The following NAV1 variants were observed in gnomAD, a reference collection of about 807,000 sequenced individuals.
NAV1 encodes pore membrane and/or filament interacting like protein 3.
A neutral mutation model predicts 175.2 loss-of-function variants in NAV1; 18 were observed. The ratio of observed to expected loss-of-function variants is 0.10; its 90% CI spans 0.07 to 0.15. NAV1 has a LOEUF of 0.15. NAV1 is among the 10% of genes least tolerant of loss of function. The pLI is 1.00. For synonymous variants in NAV1, 897 were observed against 978.7 expected (o/e 0.92, Z 1.56); for missense variants, 1,731 against 2,436.6 (o/e 0.71, Z 6.10).
chr1:201,639,594 G>C (rs947140235), intron 2 of NAV1, among the ~76,000 whole-genome samples: 3 of 152,166 alleles, frequency 2.0e-5, no homozygotes, highest in African/African-American at 7.2e-5. Flanking sequence ...GACCTCCCTA[G>C]CCCCCTGACT....
intron 1 of NAV1, among the ~76,000 whole-genome samples, chr1:201,542,940 G>A (rs963885279): frequency 4.6e-5 from 7 of 152,196 alleles, no homozygotes; most frequent in Non-Finnish European, 8.8e-5. Context: ...TATTACTGGT[G>A]TGTAGAAACA....
Position 201,782,774 on chromosome 1 carries a change from C to A in NAV1, c.2262C>A (p.Ser754=). ...TGGCCTTGGACTCAGACAACATCTCCTTGAAGAGTATTGGCTCCCCAGAAA... is the reference window on the plus strand; with the variant it reads ...TGGCCTTGGACTCAGACAACATCTCATTGAAGAGTATTGGCTCCCCAGAAA... The change falls in exon 6 of 30, where the codon TCC becomes TCA. Residue 754 remains serine, a synonymous_variant. Transcript: ENST00000367296. The surrounding 1 kb of genome is among the most constrained non-coding windows in gnomAD (Gnocchi z 5.4). 2 of 1,614,106 alleles carry A rather than the reference C, an allele frequency of 1.2e-6. No individual in the cohort carries two copies. Among genetic ancestry groups the A allele is most frequent in the South Asian group, 2.2e-5 (2 of 91,062 alleles).
intron 1 of NAV1, among the ~76,000 whole-genome samples, chr1:201,693,846 T>G (rs1671065431): frequency 6.6e-6 from 1 of 152,152 alleles, no homozygotes; most frequent in South Asian, 2.1e-4. Context: ...AGGACTCAAA[T>G]GCCATCTGAG....
intron 3 of NAV1, among the ~76,000 whole-genome samples, chr1:201,757,896 T>A (rs1163416998): frequency 6.6e-6 from 1 of 152,248 alleles, no homozygotes; most frequent in Non-Finnish European, 1.5e-5. Flanking sequence ...ATGATGCAGC[T>A]GGTTCCCAGG....
At chr1:201,731,582 C>T (rs561748941) in intron 3 of NAV1, among the ~76,000 whole-genome samples, 7 of 152,300 alleles carry the variant, frequency 4.6e-5, no homozygotes, top group African/African-American at 1.7e-4. Context: ...GAGACAGGAA[C>T]AAAGCTCTGA....
rs186083337 is a variant in NAV1 at position 201,660,453 on chromosome 1, A to G, written c.757+11028A>G. ...GTCAGGCCTCCCTACTTGGCACCCCAGGACTCTCTGAGGTTTCCCAGCCCA... is the reference window on the plus strand; with the variant it reads ...GTCAGGCCTCCCTACTTGGCACCCCGGGACTCTCTGAGGTTTCCCAGCCCA... On this transcript the variant is annotated intron_variant, in intron 1 of 29. Coordinates refer to ENST00000367296, the Ensembl canonical transcript of NAV1. Among the ~76,000 whole-genome samples the G allele has an allele frequency of 5.3e-5, 8 of 152,298 alleles. No individual in the cohort carries two copies. In the East Asian group the frequency reaches 1.5e-3, roughly 29 times the overall value.
rs373863156 is a variant in NAV1 at position 201,793,482 on chromosome 1, A to G, written c.3322-310A>G. On this transcript the variant is annotated intron_variant, in intron 13 of 29. Coordinates refer to ENST00000367296, the Ensembl canonical transcript of NAV1. ...CCAAGTTGGCCACACCAAATATCAC[A>G]TAGAGCAGAGGGATAGTCCTACCTC... 2.5e-5 allele frequency: 7 copies of G among 282,224 alleles called. No homozygotes were observed. In the East Asian group the frequency reaches 3.4e-4, roughly 14 times the overall value. 17.5% of individuals were successfully genotyped at this position (282,224 alleles called of 1,614,324 possible).
intron 1 of NAV1, among the ~76,000 whole-genome samples, chr1:201,690,900 T>C (rs1425479354): frequency 6.6e-6 from 1 of 152,240 alleles, no homozygotes; most frequent in Non-Finnish European, 1.5e-5. Context: ...AGATTTTGCA[T>C]ATCACTTCAG....
chr1:201,597,089 G>C (rs1417641335), intron 2 of NAV1, among the ~76,000 whole-genome samples: 10 of 152,204 alleles, frequency 6.6e-5, no homozygotes, highest in Non-Finnish European at 1.5e-4. Flanking sequence ...GCCTCCCAAA[G>C]TGCTGGGATT....
intron 1 of NAV1, among the ~76,000 whole-genome samples, chr1:201,690,373 A>G (rs1179279620): frequency 2.9e-5 from 2 of 69,684 alleles, no homozygotes; most frequent in Non-Finnish European, 6.4e-5. Context: ...GAATGTGTCT[A>G]TTTCCTCCAT....
chr1:201,602,292 T>C (rs1667540398), intron 2 of NAV1, among the ~76,000 whole-genome samples: 1 of 152,202 alleles, frequency 6.6e-6, no homozygotes, highest in Admixed American at 6.5e-5. Flanking sequence ...AAAAAACTCC[T>C]TGTTCTTAAA....
chr1:201,609,093 G>A (rs1229037940), intron 2 of NAV1, among the ~76,000 whole-genome samples: 1 of 152,246 alleles, frequency 6.6e-6, no homozygotes, highest in Non-Finnish European at 1.5e-5. Context: ...TCGGGAAGAT[G>A]CTTAGCGCTG....
intron 1 of NAV1, among the ~76,000 whole-genome samples, chr1:201,695,335 C>T (rs1257624051): frequency 6.6e-6 from 1 of 152,196 alleles, no homozygotes; most frequent in Non-Finnish European, 1.5e-5. Flanking sequence ...GTGTATAGTT[C>T]CGGGTTCAAG....
At chr1:201,801,371 C>T (rs1677856109) in intron 15 of NAV1, among the ~76,000 whole-genome samples, 1 of 152,212 alleles carries the variant, frequency 6.6e-6, no homozygotes, top group African/African-American at 2.4e-5. Context: ...CTTCATCTAA[C>T]AGGTTTTGTT....
chr1:201,731,481 C>T (rs1245200106), intron 3 of NAV1, among the ~76,000 whole-genome samples: 1 of 152,104 alleles, frequency 6.6e-6, no homozygotes, highest in African/African-American at 2.4e-5. Context: ...TATATTCTCA[C>T]CAGCCTACCC....
intron 1 of NAV1, among the ~76,000 whole-genome samples, chr1:201,667,533 G>C (rs909370694): frequency 1.3e-5 from 2 of 152,152 alleles, no homozygotes; most frequent in African/African-American, 2.4e-5. Context: ...CCCCAATCCA[G>C]GTCTCCTGCC....
intron 1 of NAV1, among the ~76,000 whole-genome samples, chr1:201,626,201 C>T (rs969467459): frequency 6.6e-6 from 1 of 152,224 alleles, no homozygotes; most frequent in South Asian, 2.1e-4. Context: ...GCTGGGCCAC[C>T]CTTCAAAGCT....
chr1:201,661,346 T>G (rs926696836), intron 1 of NAV1, among the ~76,000 whole-genome samples: 1 of 152,074 alleles, frequency 6.6e-6, no homozygotes, highest in Admixed American at 6.6e-5. Context: ...CACTGTCTAG[T>G]GTAGGAAGCA....
intron 1 of NAV1, among the ~76,000 whole-genome samples, chr1:201,565,143 A>G (rs959585446): frequency 2.0e-5 from 3 of 152,232 alleles, no homozygotes; most frequent in African/African-American, 7.2e-5. Context: ...AGAGAACACT[A>G]ATGGTTCCTA....
Sources: allele counts gnomAD v4.1 joint callset (sites outside exome capture counted in the v4.1 genomes callset), GRCh38; gene constraint gnomAD v4.1.1; non-coding constraint Gnocchi (gnomAD v3.1); transcripts MANE v1.5; gene names NCBI Gene and HGNC (gene_info 2026-07-23, HGNC 2026-07-21).